Variants in LYPLAL1 observed in about 807,000 individuals in gnomAD.
LYPLAL1 encodes lysophospholipase like 1.
LYPLAL1 carries 23 observed loss-of-function variants against 19.7 expected under a neutral mutation model. That is an observed-to-expected ratio of 1.17 (90% CI 0.84 to 1.65). LYPLAL1 has a LOEUF of 1.65. Among genes scored for constraint, LYPLAL1 ranks in the 40% most tolerant of loss-of-function variants. The probability of loss-of-function intolerance (pLI) is 0.00; values close to 1 mark genes in which losing one functional copy is unlikely to be tolerated. For synonymous variants in LYPLAL1, 119 were observed against 96.3 expected (o/e 1.24, Z -1.38); for missense variants, 355 against 279.4 (o/e 1.27, Z -1.93).
chr1:219,353,761 C>G, the LYPLAL1 span, among the ~76,000 whole-genome samples: 2 of 151,842 alleles, frequency 1.3e-5, no homozygotes, highest in Non-Finnish European at 2.9e-5. Flanking sequence ...TTTCTAGATG[C>G]GAAGAAACAG....
At chr1:219,269,853 C>A in the LYPLAL1 span, among the ~76,000 whole-genome samples, 1 of 151,998 alleles carries the variant, frequency 6.6e-6, no homozygotes, top group Non-Finnish European at 1.5e-5. Flanking sequence ...TATATTCTTG[C>A]CATTTTACGT....
chr1:219,219,556 A>G, the LYPLAL1 span, among the ~76,000 whole-genome samples: 2 of 152,218 alleles, frequency 1.3e-5, no homozygotes, highest in African/African-American at 4.8e-5. Context: ...AATTGAGTGC[A>G]GTTCTTGGTT....
At chr1:219,342,303 A>G in the LYPLAL1 span, among the ~76,000 whole-genome samples, 1 of 152,164 alleles carries the variant, frequency 6.6e-6, no homozygotes, top group African/African-American at 2.4e-5. Context: ...GGAGGGAGAT[A>G]GAGATAGTAA....
At chr1:219,368,615 A>G in the LYPLAL1 span, among the ~76,000 whole-genome samples, 1 of 152,236 alleles carries the variant, frequency 6.6e-6, no homozygotes. Flanking sequence ...TAAGCCACCA[A>G]CAGTGTCTGC....
chr1:219,361,233 G>C, the LYPLAL1 span, among the ~76,000 whole-genome samples: 10,390 of 152,252 alleles, frequency 0.068, 499 homozygotes, highest in South Asian at 0.14. Flanking sequence ...GGTGGGCTAT[G>C]TATGCCCTAT....
the LYPLAL1 span, among the ~76,000 whole-genome samples, chr1:219,413,793 C>T: frequency 7.2e-5 from 11 of 152,224 alleles, no homozygotes; most frequent in African/African-American, 2.7e-4. Flanking sequence ...GCACAGGCCA[C>T]GTGCTAGGCA....
chr1:219,433,608 C>T, the LYPLAL1 span, among the ~76,000 whole-genome samples: 1,034 of 152,270 alleles, frequency 6.8e-3, 12 homozygotes, highest in African/African-American at 0.023. Context: ...GACTCAGCCA[C>T]GTGAGAGCTG....
At chr1:219,306,756 A>G in the LYPLAL1 span, among the ~76,000 whole-genome samples, 1 of 150,108 alleles carries the variant, frequency 6.7e-6, no homozygotes, top group South Asian at 2.1e-4. Flanking sequence ...ATAGATAGAT[A>G]GATAGATAGA....
At chr1:219,210,768 T>C in intron 4 of LYPLAL1, 121 bp downstream of exon 4, 1 of 862,418 alleles carries the variant, frequency 1.2e-6, no homozygotes, top group Non-Finnish European at 1.7e-6. Context: ...TGATATGGAT[T>C]GACCATTCCT....
chr1:219,409,565 A>G, the LYPLAL1 span: 9 of 152,370 alleles, frequency 5.9e-5, no homozygotes, highest in African/African-American at 1.4e-4. Flanking sequence ...TTTTTGCTGT[A>G]TCAGTTAAGG....
At chr1:219,190,008 C>T (rs757121496) in intron 2 of LYPLAL1, among the ~76,000 whole-genome samples, 19 of 151,496 alleles carry the variant, frequency 1.3e-4, no homozygotes, top group South Asian at 2.1e-4. Flanking sequence ...ATATGATTAA[C>T]GTTATATACT....
At chr1:219,211,368 CT>C in intron 4 of LYPLAL1, 123 bp from the exon 5 acceptor site, 72 of 702,942 alleles carry the variant, frequency 1.0e-4, no homozygotes, top group Admixed American at 1.3e-4. Flanking sequence ...CTCCCTCTGC[CT>C]TTTTTTTCCC....
chr1:219,357,511 G>A, the LYPLAL1 span, among the ~76,000 whole-genome samples: 1 of 152,116 alleles, frequency 6.6e-6, no homozygotes, highest in South Asian at 2.1e-4. Context: ...CTACTAGAAT[G>A]GCTAATTATC....
chr1:219,360,328 A>G, the LYPLAL1 span, among the ~76,000 whole-genome samples: 2 of 152,140 alleles, frequency 1.3e-5, no homozygotes, highest in Non-Finnish European at 2.9e-5. Flanking sequence ...TCCAGAATTT[A>G]TTGATGAGAC....
At chr1:219,419,784 T>A in the LYPLAL1 span, among the ~76,000 whole-genome samples, 1 of 152,072 alleles carries the variant, frequency 6.6e-6, no homozygotes, top group Non-Finnish European at 1.5e-5. Context: ...TCACCAACAA[T>A]AGCAGATTAA....
chr1:219,190,583 T>TA (rs1484445589), intron 2 of LYPLAL1, among the ~76,000 whole-genome samples: 2 of 97,344 alleles, frequency 2.1e-5, no homozygotes, highest in Non-Finnish European at 4.0e-5. Context: ...AATTTTTTTT[T>TA]AAAAAGACAT....
At chr1:219,239,050 CTTTAA>C in the LYPLAL1 span, among the ~76,000 whole-genome samples, 1 of 152,112 alleles carries the variant, frequency 6.6e-6, no homozygotes, top group Non-Finnish European at 1.5e-5. Context: ...AGGATAATTA[CTTTAA>C]TTATTTTCTA....
At chr1:219,320,871 T>C in the LYPLAL1 span, among the ~76,000 whole-genome samples, 5 of 152,364 alleles carry the variant, frequency 3.3e-5, no homozygotes, top group African/African-American at 1.2e-4. Context: ...TCCAAGTCTT[T>C]GCTATTGTGA....
At chr1:219,306,800 G>A in the LYPLAL1 span, among the ~76,000 whole-genome samples, 2,557 of 100,290 alleles carry the variant, frequency 0.025, 89 homozygotes, top group East Asian at 0.11. Context: ...ATAGACAGAT[G>A]CATAGATAGA....
Sources: allele counts gnomAD v4.1 joint callset (sites outside exome capture counted in the v4.1 genomes callset), GRCh38; gene constraint gnomAD v4.1.1; transcripts MANE v1.5; gene names NCBI Gene and HGNC (gene_info 2026-07-23, HGNC 2026-07-21).